DIP2C: variants seen among roughly 807,000 people sequenced by gnomAD.
DIP2C encodes disco-interacting protein 2 homolog C.
DIP2C carries 33 observed loss-of-function variants against 192.4 expected under a neutral mutation model. That is an observed-to-expected ratio of 0.17 (90% CI 0.13 to 0.23). The LOEUF (loss-of-function observed/expected upper bound fraction) is 0.23. Ranked by LOEUF, DIP2C falls within the 10% of genes least tolerant of loss-of-function variation. The probability of loss-of-function intolerance (pLI) is 1.00; values close to 1 mark genes in which losing one functional copy is unlikely to be tolerated. For synonymous variants in DIP2C, 979 were observed against 864.1 expected (o/e 1.13, Z -2.33); for missense variants, 1,537 against 2,110.1 (o/e 0.73, Z 5.32).
At chr10:333,442 C>T (rs1262927899) in intron 29 of DIP2C, among the ~76,000 whole-genome samples, 1 of 152,190 alleles carries the variant, frequency 6.6e-6, no homozygotes, top group Admixed American at 6.5e-5. Flanking sequence ...TGGACACTGC[C>T]TACCACACAG....
chr10:449,369 TTTCTC>T (rs1366637343), intron 3 of DIP2C, among the ~76,000 whole-genome samples: 1 of 152,156 alleles, frequency 6.6e-6, no homozygotes, highest in Non-Finnish European at 1.5e-5. Flanking sequence ...TGCTTACAAT[TTTCTC>T]TTCTGAGAAA....
intron 1 of DIP2C, among the ~76,000 whole-genome samples, chr10:645,844 G>A (rs1490538529): frequency 6.6e-6 from 1 of 152,144 alleles, no homozygotes; most frequent in Non-Finnish European, 1.5e-5. Context: ...AAACACAATA[G>A]TTCAGGAAAC....
chr10:492,213 G>A (rs1444093079), intron 1 of DIP2C, among the ~76,000 whole-genome samples: 1 of 152,168 alleles, frequency 6.6e-6, no homozygotes, highest in Admixed American at 6.5e-5. Flanking sequence ...CAGAAGGGTC[G>A]CTGCAAGAAT....
chr10:557,937 G>A (rs897449733), intron 1 of DIP2C, among the ~76,000 whole-genome samples: 8 of 148,642 alleles, frequency 5.4e-5, no homozygotes, highest in African/African-American at 7.6e-5. Context: ...ACCCCAGAGG[G>A]CGAAACCCTG....
rs1031933610 is a variant in DIP2C, at chr10:593,237, A to ATCG, written c.85+96254_85+96256dup. Among the ~76,000 whole-genome samples, 12 of 152,196 alleles carry ATCG rather than the reference A, an allele frequency of 7.9e-5. No homozygotes were observed. In the South Asian group the frequency reaches 2.3e-3, roughly 29 times the overall value. ...TTCAACATCCCCCCGGGGTGGTCTC[A>ATCG]TCGTCATCTGGGGCTCAGCTCTGCC... is the stretch of plus-strand genomic sequence containing the variant. On this transcript the variant is annotated intron_variant, in intron 1 of 36. Transcript: ENST00000280886.
chr10:299,837 G>A (rs1955933432), intron 32 of DIP2C, among the ~76,000 whole-genome samples: 1 of 152,094 alleles, frequency 6.6e-6, no homozygotes, highest in African/African-American at 2.4e-5. Context: ...AACCACTCCA[G>A]CTAAAAAGTG....
At chr10:610,542 T>G (rs529283006) in intron 1 of DIP2C, among the ~76,000 whole-genome samples, 62 of 152,360 alleles carry the variant, frequency 4.1e-4, no homozygotes, top group Non-Finnish European at 9.0e-4. Flanking sequence ...AGGTATCACA[T>G]GCACCCTGAA....
chr10:471,124 TCTC>T (rs1564751903), intron 3 of DIP2C, among the ~76,000 whole-genome samples: 2 of 152,102 alleles, frequency 1.3e-5, no homozygotes, highest in Non-Finnish European at 2.9e-5. Flanking sequence ...GGGAACAAAT[TCTC>T]CTTCATTCCA....
intron 32 of DIP2C, among the ~76,000 whole-genome samples, chr10:303,681 G>A (rs1956166257): frequency 6.6e-6 from 1 of 151,926 alleles, no homozygotes; most frequent in Non-Finnish European, 1.5e-5. Flanking sequence ...GCGCCACCAC[G>A]CCCGGCTGAT....
chr10:665,236 C>T (rs1448927806), intron 1 of DIP2C: 2 of 152,034 alleles, frequency 1.3e-5, no homozygotes, highest in Admixed American at 1.3e-4. Context: ...ACATATATAC[C>T]TTAACCGTGC....
intron 34 of DIP2C, among the ~76,000 whole-genome samples, chr10:284,224 C>G (rs1954981799): frequency 6.6e-6 from 1 of 152,154 alleles, no homozygotes; most frequent in Non-Finnish European, 1.5e-5. Context: ...TCCAGGAAGT[C>G]AGAAACTGGT....
rs765398679 is a variant in DIP2C at position 486,452 on chromosome 10, T to A, written c.157+7A>T. The A allele has an allele frequency of 2.5e-6, 4 of 1,596,612 alleles. No individual in the cohort carries two copies. The highest frequency in any genetic ancestry group is 3.4e-6 in the Non-Finnish European group (4 of 1,171,980). On this transcript the variant is annotated splice_region_variant and intron_variant, in intron 2 of 36. Transcript: ENST00000280886. ...GAGGACTCATGCTACTCATGGGGGT[T>A]ACCTACTCGGAGGCTGCGGAAGGTA... is the stretch of plus-strand genomic sequence containing the variant.
At chr10:372,877 T>A (rs752399142) in intron 17 of DIP2C, among the ~76,000 whole-genome samples, 1 of 152,156 alleles carries the variant, frequency 6.6e-6, no homozygotes, top group Non-Finnish European at 1.5e-5. Flanking sequence ...ACGTGGTGTT[T>A]GGGGCCACCC....
At chr10:495,620 T>TG (rs904731196) in intron 1 of DIP2C, among the ~76,000 whole-genome samples, 1 of 151,596 alleles carries the variant, frequency 6.6e-6, no homozygotes, top group Non-Finnish European at 1.5e-5. Flanking sequence ...TTGGTGTCCG[T>TG]GGGGGTGGGT....
At chr10:416,017 G>C in intron 6 of DIP2C, 129 bp from the exon 7 acceptor site, 1 of 1,406,046 alleles carries the variant, frequency 7.1e-7, no homozygotes, top group Non-Finnish European at 9.7e-7. Context: ...GCGATCCTGG[G>C]AAGGGCCCGA....
chr10:541,958 G>C (rs1848016447), intron 1 of DIP2C, among the ~76,000 whole-genome samples: 2 of 111,932 alleles, frequency 1.8e-5, no homozygotes, highest in South Asian at 2.6e-4. Flanking sequence ...GCCTTGTCAG[G>C]GGCCTCTGGG....
intron 1 of DIP2C, among the ~76,000 whole-genome samples, chr10:585,175 A>AG (rs1850941973): frequency 6.6e-6 from 1 of 152,214 alleles, no homozygotes; most frequent in Non-Finnish European, 1.5e-5. Context: ...GACCTCTATG[A>AG]GCCCGGAGAA....
At chr10:539,394 A>C (rs1238770546) in intron 1 of DIP2C, among the ~76,000 whole-genome samples, 1 of 152,236 alleles carries the variant, frequency 6.6e-6, no homozygotes, top group Non-Finnish European at 1.5e-5. Flanking sequence ...CATGGCAAGT[A>C]CATGGTATAG....
intron 2 of DIP2C, among the ~76,000 whole-genome samples, chr10:476,439 T>C (rs1424630392): frequency 6.6e-6 from 1 of 152,164 alleles, no homozygotes; most frequent in Admixed American, 6.5e-5. Flanking sequence ...GAAGCAGCAG[T>C]AGCTAACACT....
Sources: allele counts gnomAD v4.1 joint callset (sites outside exome capture counted in the v4.1 genomes callset), GRCh38; gene constraint gnomAD v4.1.1; transcripts MANE v1.5; gene names NCBI Gene and HGNC (gene_info 2026-07-23, HGNC 2026-07-21).